CCDC117: variants seen among roughly 807,000 people sequenced by gnomAD.
CCDC117 encodes coiled-coil domain-containing protein 117.
Under a neutral mutation model 23.5 loss-of-function variants are expected in CCDC117, and 1 was observed. The ratio of observed to expected loss-of-function variants is 0.04; its 90% confidence interval spans 0.02 to 0.20. CCDC117 has a LOEUF of 0.20. Among genes scored for constraint, CCDC117 ranks in the 10% least tolerant of loss-of-function variants. CCDC117 has a pLI of 1.00. For missense variants in CCDC117, 383 were observed against 348.2 expected (o/e 1.10, Z -0.80); for synonymous variants, 132 against 124.8 (o/e 1.06, Z -0.39).
rs1159769604 is a variant in CCDC117 at position 28,787,748 on chromosome 22, A to C, written c.*1422A>C. ...AAAATGACAATTTCTTTATTGCTAC[A>C]GAGTATCCTCTATAAGTTATTAAAC... On this transcript the variant is annotated 3_prime_UTR_variant, in exon 5 of 5. Transcript: ENST00000249064. 1 of 152,400 alleles carries C rather than the reference A, an allele frequency of 6.6e-6. No individual in the cohort carries two copies. The highest frequency in any genetic ancestry group is 2.4e-5 in the African/African-American group (1 of 41,456). 9.4% of individuals were successfully genotyped at this position (152,400 alleles called of 1,614,324 possible).
intron 4 of CCDC117, among the ~76,000 whole-genome samples, chr22:28,785,081 A>C (rs189171801): frequency 1.6e-3 from 250 of 151,942 alleles, no homozygotes; most frequent in Non-Finnish European, 2.6e-3. Context: ...AGGGTATCTC[A>C]TTATTTTATG....
In CCDC117 at chr22:28,787,165, T is replaced by A. The variant is rs972164378; in HGVS notation, c.*839T>A. On this transcript the variant is annotated 3_prime_UTR_variant, in exon 5 of 5. Coordinates refer to ENST00000249064, the MANE Select transcript of CCDC117 (RefSeq NM_173510.4). ...ACCCAACATTGATAACTTTGGTAAT[T>A]TTTTTAAAAAGTTATACTTGTATTA... The A allele has an allele frequency of 6.6e-6, 1 of 152,492 alleles. No individual in the cohort carries two copies. The highest frequency in any genetic ancestry group is 2.4e-5 in the African/African-American group (1 of 41,426). The allele number at this position is 152,492 out of a possible 1,614,324, so 9.4% of individuals were successfully genotyped here. A position where few individuals can be genotyped will look rare whatever the true frequency, so the allele number is the denominator to read the frequency against.
chr22:28,781,195 TG>T, intron 3 of CCDC117, 23 bp downstream of exon 3: 1 of 1,485,358 alleles, frequency 6.7e-7, no homozygotes, highest in Non-Finnish European at 9.4e-7. Context: ...TGTATATAGC[TG>T]GTTTTTTGCT....
At chr22:28,773,400 G>A in intron 1 of CCDC117, 1 of 272,622 alleles carries the variant, frequency 3.7e-6, no homozygotes, top group Non-Finnish European at 7.0e-6. Flanking sequence ...TGCCAAGCAT[G>A]GGACAGAAAT....
At position 28,772,989 on chromosome 22, in the gene CCDC117, C is replaced by G; in HGVS notation, c.140C>G (p.Pro47Arg). The G allele has an allele frequency of 8.3e-7, 1 of 1,198,700 alleles. No homozygotes were observed. Among genetic ancestry groups the G allele is most frequent in the Non-Finnish European group, 1.0e-6 (1 of 966,384 alleles). The allele number at this position is 1,198,700 out of a possible 1,614,324, so 74.3% of individuals were successfully genotyped here. A position where few individuals can be genotyped will look rare whatever the true frequency, so the allele number is the denominator to read the frequency against. ...GCCGAGTTGGCCCCGCGGCCGGGAC[C>G]TCGCGCAGTCCCTAGCAGTCCCGCT... Reference protein sequence around the residue: ...DGAELAPRPGPRAVPSSPAGS... With the variant: ...DGAELAPRPGRRAVPSSPAGS... Residue 47 changes from proline to arginine, a missense_variant, in exon 1 of 5, where the codon CCT (proline) becomes CGT (arginine). By Grantham distance (103) the Pro-to-Arg change is moderately radical. Transcript: ENST00000249064.
At chr22:28,782,527 C>G (rs551492089) in intron 3 of CCDC117, among the ~76,000 whole-genome samples, 10 of 152,248 alleles carry the variant, frequency 6.6e-5, no homozygotes, top group African/African-American at 2.2e-4. Flanking sequence ...CAATCTCCAC[C>G]TCCCGGGTTC....
At position 28,782,500 on chromosome 22, in the gene CCDC117, G is replaced by A. The variant is rs189673442; in HGVS notation, c.465-1008G>A. Among the ~76,000 whole-genome samples the A allele has an allele frequency of 1.8e-3, 281 of 152,018 alleles. 1 individual carries two copies. Among genetic ancestry groups the A allele is most frequent in the Non-Finnish European group, 3.2e-3 (217 of 67,962 alleles). On this transcript the variant is annotated intron_variant, in intron 3 of 4. Coordinates refer to ENST00000249064, the MANE Select transcript of CCDC117 (RefSeq NM_173510.4). Reference sequence around the variant, plus strand: ...GTTGCTCAGGCTGGAGTGCAGTGGTGCGATCTCAGCTCATTGCAATCTCCA... The same window carrying A: ...GTTGCTCAGGCTGGAGTGCAGTGGTACGATCTCAGCTCATTGCAATCTCCA...
chr22:28,781,731 C>T (rs888365690), intron 3 of CCDC117, among the ~76,000 whole-genome samples: 2 of 152,042 alleles, frequency 1.3e-5, no homozygotes, highest in Non-Finnish European at 2.9e-5. Flanking sequence ...GCAACCTCCA[C>T]CTCCCGGGTT....
At position 28,781,121 on chromosome 22, in the gene CCDC117, G is replaced by A; in HGVS notation, c.413G>A (p.Gly138Glu). The A allele has an allele frequency of 6.2e-7, 1 of 1,613,956 alleles. No individual in the cohort carries two copies. The highest frequency in any genetic ancestry group is 8.5e-7 in the Non-Finnish European group (1 of 1,179,972). The change falls in exon 3 of 5, where the codon GGA (glycine) becomes GAA (glutamate). Residue 138 changes from glycine (G) to glutamate (E), a missense_variant. Transcript: ENST00000249064. ...VICEEMDQTT[G>E]EPQCEVARRK... ...TGTGAAGAAATGGATCAGACAACTG[G>A]AGAACCACAGTGTGAAGTTGCCCGA... is the stretch of plus-strand genomic sequence containing the variant.
In CCDC117 at chr22:28,773,736, A is replaced by G. The variant is rs779814822; in HGVS notation, c.197A>G (p.His66Arg). The G allele has an allele frequency of 4.3e-6, 7 of 1,613,706 alleles. No homozygotes were observed. Among genetic ancestry groups the G allele is most frequent in the Non-Finnish European group, 5.9e-6 (7 of 1,179,684 alleles). ...GSAARGRVSV[H>R]CKKKHKREEE... The stretch of plus-strand genomic sequence containing the variant: ...GTTTGTTTCAACAGTGTTTCTGTTC[A>G]CTGTAAAAAGAAACACAAGCGAGAG... The change falls in exon 2 of 5, where the codon CAC (histidine) becomes CGC (arginine). Residue 66 changes from histidine to arginine, a missense_variant. His to Arg is a conservative substitution (Grantham distance 29). Transcript: ENST00000249064.
intron 2 of CCDC117, among the ~76,000 whole-genome samples, chr22:28,775,811 C>T (rs1356208628): frequency 1.3e-5 from 2 of 152,048 alleles, no homozygotes; most frequent in African/African-American, 4.8e-5. Context: ...GCAGGAGAAT[C>T]GTTTGAACCT....
chr22:28,772,757 T>A lies in CCDC117; in HGVS notation c.-93T>A. 9.8e-7 allele frequency: 1 copy of A among 1,024,278 alleles called. No individual in the cohort carries two copies. The highest frequency in any genetic ancestry group is 1.2e-6 in the Non-Finnish European group (1 of 806,612). The allele number at this position is 1,024,278 out of a possible 1,614,324, so 63.4% of individuals were successfully genotyped here. A position where few individuals can be genotyped will look rare whatever the true frequency, so the allele number is the denominator to read the frequency against. The stretch of plus-strand genomic sequence containing the variant: ...TGGGGTCGAGAGCGGGATCCGAGGC[T>A]GGCGGGTTTTGGCAGTAGCTGTGGC... On this transcript the variant is annotated 5_prime_UTR_variant, in exon 1 of 5. Coordinates refer to ENST00000249064, the MANE Select transcript of CCDC117 (RefSeq NM_173510.4).
chr22:28,774,140 T>A (rs2031089511), intron 2 of CCDC117, among the ~76,000 whole-genome samples: 1 of 149,904 alleles, frequency 6.7e-6, no homozygotes. Flanking sequence ...CTATGTGGGC[T>A]CACTGCAATC....
rs1217014789 is a variant in CCDC117, at chr22:28,773,716, T to C, written c.186-9T>C. ...TTCTTAATTGACTGATTTTTGTTTGTTTCAACAGTGTTTCTGTTCACTGTA... is the reference window on the plus strand; with the variant it reads ...TTCTTAATTGACTGATTTTTGTTTGCTTCAACAGTGTTTCTGTTCACTGTA... On this transcript the variant is annotated splice_polypyrimidine_tract_variant and intron_variant, in intron 1 of 4. Transcript: ENST00000249064. 6.2e-7 allele frequency: 1 copy of C among 1,612,020 alleles called. No homozygotes were observed. The highest frequency in any genetic ancestry group is 8.5e-7 in the Non-Finnish European group (1 of 1,178,230).
At position 28,786,085 on chromosome 22, in the gene CCDC117, T is replaced by G. The variant is rs975072274; in HGVS notation, c.603-4T>G. The G allele has an allele frequency of 2.5e-6, 4 of 1,597,210 alleles. No homozygotes were observed. Among genetic ancestry groups the G allele is most frequent in the Admixed American group, 1.8e-5 (1 of 54,998 alleles). ...TTGATAAAAGTCTGTATTTTATGTC[T>G]TAGGAGCCGTCCTTCCATGGAGCTT... On this transcript the variant is annotated splice_polypyrimidine_tract_variant and splice_region_variant and intron_variant, in intron 4 of 4. Transcript: ENST00000249064.
intron 2 of CCDC117, among the ~76,000 whole-genome samples, chr22:28,776,775 G>A (rs1041525769): frequency 6.6e-6 from 1 of 151,946 alleles, no homozygotes; most frequent in Non-Finnish European, 1.5e-5. Context: ...GTAGAGATGG[G>A]GTTTCTGCAT....
intron 3 of CCDC117, 132 bp downstream of exon 3, chr22:28,781,304 CAA>C: frequency 2.4e-6 from 1 of 412,092 alleles, no homozygotes. Flanking sequence ...TCAGATAATT[CAA>C]AGTGTATTCG....
intron 2 of CCDC117, among the ~76,000 whole-genome samples, chr22:28,777,081 C>G (rs35905502): frequency 0.12 from 17,675 of 141,844 alleles, 1,185 homozygotes; most frequent in South Asian, 0.29. Flanking sequence ...GTTGTCCAGG[C>G]TGGAGTGCAG....
At chr22:28,781,533 A>G (rs1384436077) in intron 3 of CCDC117, among the ~76,000 whole-genome samples, 1 of 82,678 alleles carries the variant, frequency 1.2e-5, no homozygotes, top group Non-Finnish European at 2.1e-5. Context: ...TTGTATTTTT[A>G]GTAGAGACGG....
Sources: allele counts gnomAD v4.1 joint callset (sites outside exome capture counted in the v4.1 genomes callset), GRCh38; gene constraint gnomAD v4.1.1; transcripts MANE v1.5; gene names NCBI Gene and HGNC (gene_info 2026-07-23, HGNC 2026-07-21).